The following MIPEP variants were observed in gnomAD, a reference collection of about 807,000 sequenced individuals.
MIPEP encodes mitochondrial intermediate peptidase.
A neutral mutation model predicts 90.3 loss-of-function variants in MIPEP; 79 were observed. The ratio of observed to expected loss-of-function variants is 0.87; its 90% CI spans 0.73 to 1.05. MIPEP has a LOEUF of 1.05. MIPEP is among the 50% of genes least tolerant of loss of function. The pLI is 0.00. For missense variants in MIPEP, 940 were observed against 905.6 expected, an observed-to-expected ratio of 1.04 and a Z score of -0.49; for synonymous variants, 334 against 315.8, an observed-to-expected ratio of 1.06 and a Z score of -0.61.
At chr13:23,837,417 G>T in intron 13 of MIPEP, 135 bp downstream of exon 13, 1 of 659,556 alleles carries the variant, frequency 1.5e-6, no homozygotes, top group Non-Finnish European at 2.6e-6. Flanking sequence ...AGGGCAGGAT[G>T]AGGCAATCTG....
intron 17 of MIPEP, among the ~76,000 whole-genome samples, chr13:23,757,314 T>A (rs1007345048): frequency 3.9e-5 from 6 of 152,096 alleles, no homozygotes; most frequent in African/African-American, 1.4e-4. Context: ...AGGAGATGGA[T>A]GGGGAGCGGC....
At chr13:23,746,628 C>G (rs1324234612) in intron 18 of MIPEP, among the ~76,000 whole-genome samples, 1 of 127,710 alleles carries the variant, frequency 7.8e-6, no homozygotes, top group African/African-American at 2.8e-5. Context: ...AGAGAGACTC[C>G]CTCTCAAAAA....
At chr13:23,885,696 A>T (rs1593212491) in intron 2 of MIPEP, among the ~76,000 whole-genome samples, 1 of 152,044 alleles carries the variant, frequency 6.6e-6, no homozygotes, top group Admixed American at 6.6e-5. Flanking sequence ...AAAAAAAAAA[A>T]GTCTTTACAA....
intron 16 of MIPEP, among the ~76,000 whole-genome samples, chr13:23,774,761 C>A (rs971030337): frequency 2.0e-5 from 3 of 149,650 alleles, no homozygotes; most frequent in Non-Finnish European, 4.4e-5. Flanking sequence ...ACCATGCAAC[C>A]CTGCTGAACT....
At chr13:23,795,312 C>G (rs1188128500) in intron 16 of MIPEP, among the ~76,000 whole-genome samples, 1 of 152,134 alleles carries the variant, frequency 6.6e-6, no homozygotes, top group Non-Finnish European at 1.5e-5. Context: ...GGGCTCCAGT[C>G]CTATTGTTTA....
rs544206901 is a variant in MIPEP at position 23,833,608 on chromosome 13, C to G, written c.1653+2632G>C. On this transcript the variant is annotated intron_variant, in intron 14 of 18. Transcript: ENST00000382172. Reference sequence around the variant, plus strand: ...CATTGAGAAGCTCTCTCCTTTTGCACCTTACATCACACTTGGAGCAGTGAC... The same window carrying G: ...CATTGAGAAGCTCTCTCCTTTTGCAGCTTACATCACACTTGGAGCAGTGAC... 1.8e-4 allele frequency among the ~76,000 whole-genome samples: 28 copies of G among 152,274 alleles called. No homozygotes were observed. In the South Asian group the frequency reaches 5.0e-3, roughly 27 times the overall value.
At chr13:23,837,345 T>C (rs924160426) in intron 13 of MIPEP, among the ~76,000 whole-genome samples, 6 of 152,180 alleles carry the variant, frequency 3.9e-5, no homozygotes, top group African/African-American at 1.4e-4. Context: ...GATTATTCCC[T>C]GGTGAAAGCT....
intron 18 of MIPEP, among the ~76,000 whole-genome samples, chr13:23,744,823 C>T (rs1212864529): frequency 6.6e-6 from 1 of 152,118 alleles, no homozygotes; most frequent in Non-Finnish European, 1.5e-5. Context: ...TTTAGAAAAT[C>T]AATACACAGG....
chr13:23,765,592 T>C (rs1386350711), intron 16 of MIPEP, among the ~76,000 whole-genome samples: 1 of 152,198 alleles, frequency 6.6e-6, no homozygotes, highest in East Asian at 1.9e-4. Flanking sequence ...AGTATAGAAA[T>C]GCAACCTATT....
intron 3 of MIPEP, among the ~76,000 whole-genome samples, chr13:23,880,907 C>A (rs1387497358): frequency 6.6e-6 from 1 of 152,166 alleles, no homozygotes; most frequent in African/African-American, 2.4e-5. Flanking sequence ...TATCGTGTTA[C>A]CCCCTTTTCC....
At chr13:23,853,742 A>G (rs1310406289) in intron 10 of MIPEP, among the ~76,000 whole-genome samples, 1 of 151,682 alleles carries the variant, frequency 6.6e-6, no homozygotes, top group East Asian at 2.0e-4. Context: ...TTGTTGTTGT[A>G]TTTTTAGTAG....
chr13:23,882,261 T>G (rs1232858449), intron 2 of MIPEP, among the ~76,000 whole-genome samples: 2 of 152,144 alleles, frequency 1.3e-5, no homozygotes, highest in Non-Finnish European at 2.9e-5. Flanking sequence ...GAGCAGACAC[T>G]GGTTTCAAAT....
chr13:23,793,440 T>G (rs911123971), intron 16 of MIPEP, among the ~76,000 whole-genome samples: 2 of 152,312 alleles, frequency 1.3e-5, no homozygotes, highest in African/African-American at 4.8e-5. Context: ...GTATATATTT[T>G]GATCTGGGTG....
At chr13:23,872,699 C>CTG (rs1210630641) in intron 5 of MIPEP, among the ~76,000 whole-genome samples, 1 of 152,120 alleles carries the variant, frequency 6.6e-6, no homozygotes, top group East Asian at 1.9e-4. Context: ...TCCCTGGGAG[C>CTG]TGCTCCCGGG....
chr13:23,834,128 G>A (rs1221953727), intron 14 of MIPEP, among the ~76,000 whole-genome samples: 2 of 152,150 alleles, frequency 1.3e-5, no homozygotes, highest in Non-Finnish European at 2.9e-5. Context: ...CCACGCGCCC[G>A]GGATGAGGGG....
rs183258859 is a variant in MIPEP at position 23,823,629 on chromosome 13, G to C, written c.1653+12611C>G. ...GGACTGCTTGAGGCTGAATGTTCGA[G>C]AACAGGCTGGGCAACAGAACGAGAC... On this transcript the variant is annotated intron_variant, in intron 14 of 18. Coordinates refer to ENST00000382172, the MANE Select transcript of MIPEP (RefSeq NM_005932.4). Among the ~76,000 whole-genome samples, 17 of 152,322 alleles carry C rather than the reference G, an allele frequency of 1.1e-4. No individual in the cohort carries two copies. The Middle Eastern group carries it at 0.014, about 122-fold the overall frequency.
intron 14 of MIPEP, among the ~76,000 whole-genome samples, chr13:23,820,950 A>C (rs1054647203): frequency 6.6e-6 from 1 of 152,232 alleles, no homozygotes; most frequent in Admixed American, 6.5e-5. Context: ...GCTCCAAAAC[A>C]GAAGAAAAAT....
chr13:23,830,940 A>G (rs1220322027), intron 14 of MIPEP, among the ~76,000 whole-genome samples: 1 of 152,112 alleles, frequency 6.6e-6, no homozygotes, highest in African/African-American at 2.4e-5. Context: ...ACAAAGGGAT[A>G]TTGTGGGTAA....
At position 23,839,629 on chromosome 13, in the gene MIPEP, GT is replaced by G. The variant is rs1869207646; in HGVS notation, c.1338+19del. The G allele has an allele frequency of 1.3e-6, 2 of 1,586,652 alleles. No individual in the cohort carries two copies. The highest frequency in any genetic ancestry group is 1.7e-6 in the Non-Finnish European group (2 of 1,159,492). On this transcript the variant is annotated intron_variant, in intron 12 of 18. Transcript: ENST00000382172. ...ATGCCGATCGGTTCTAGAGAGACCA[GT>G]TTATAAAGAAAGGATCACCTGATGT... is the stretch of plus-strand genomic sequence containing the variant.
Sources: allele counts gnomAD v4.1 joint callset (sites outside exome capture counted in the v4.1 genomes callset), GRCh38; gene constraint gnomAD v4.1.1; transcripts MANE v1.5; gene names NCBI Gene and HGNC (gene_info 2026-07-23, HGNC 2026-07-21).